UNC13A: variants seen among roughly 807,000 people sequenced by gnomAD.
The protein encoded by UNC13A is unc-13 homolog A, also known as protein unc-13 homolog A.
UNC13A carries 61 observed loss-of-function variants against 219.7 expected under a neutral mutation model. The ratio of observed to expected loss-of-function variants is 0.28; its 90% CI spans 0.23 to 0.34. UNC13A has a LOEUF of 0.34. Ranked by LOEUF, UNC13A falls within the 10% of genes least tolerant of loss-of-function variation. The probability of loss-of-function intolerance (pLI) is 1.00; values close to 1 mark genes in which losing one functional copy is unlikely to be tolerated. For missense variants in UNC13A, 1,476 were observed against 2,270.3 expected, an observed-to-expected ratio of 0.65 and a Z score of 7.11; for synonymous variants, 920 against 884.6, an observed-to-expected ratio of 1.04 and a Z score of -0.71.
intron 7 of UNC13A, among the ~76,000 whole-genome samples, chr19:17,664,163 G>C (rs535726271): frequency 2.0e-5 from 3 of 152,170 alleles, no homozygotes; most frequent in Non-Finnish European, 4.4e-5. Context: ...TTTGGGCCCA[G>C]GGTTTTCTGA....
At chr19:17,643,043 C>T in intron 19 of UNC13A, 83 bp from the exon 20 acceptor site, 1 of 1,093,438 alleles carries the variant, frequency 9.1e-7, no homozygotes, top group South Asian at 1.5e-5. Context: ...GGGAGTCTTG[C>T]TCTTGTCACC....
At chr19:17,667,339 A>G (rs1185138234) in intron 6 of UNC13A, among the ~76,000 whole-genome samples, 1 of 152,114 alleles carries the variant, frequency 6.6e-6, no homozygotes. Flanking sequence ...TGAAAAAACT[A>G]CCCGTTAGGT....
intron 9 of UNC13A, among the ~76,000 whole-genome samples, chr19:17,656,744 C>T (rs898109051): frequency 1.3e-5 from 2 of 150,316 alleles, no homozygotes; most frequent in African/African-American, 2.5e-5. Flanking sequence ...CCCAGCTACT[C>T]GGGAGGCTGA....
intron 8 of UNC13A, among the ~76,000 whole-genome samples, chr19:17,660,989 A>C (rs932568831): frequency 1.3e-5 from 2 of 152,056 alleles, no homozygotes; most frequent in Middle Eastern, 3.4e-3. Flanking sequence ...CCTAGGCTAA[A>C]GTCTAGTAGC....
At chr19:17,610,464 TA>T (rs1045015039) in intron 42 of UNC13A, among the ~76,000 whole-genome samples, 1 of 151,678 alleles carries the variant, frequency 6.6e-6, no homozygotes, top group Non-Finnish European at 1.5e-5. Flanking sequence ...AGATCCTGTC[TA>T]AAAAAAATAA....
rs980243914 is a variant in UNC13A at position 17,627,142 on chromosome 19, G to T, written c.3921-357C>A. On this transcript the variant is annotated intron_variant, in intron 33 of 43. Coordinates refer to ENST00000519716, the MANE Select transcript of UNC13A (RefSeq NM_001080421.3). The surrounding 1 kb of genome is among the most constrained non-coding windows in gnomAD (Gnocchi z 4.7). Reference sequence around the variant, plus strand: ...GATCGCGCCACTGCACTCCAGCCTGGTGACAGAACGAGACTTCGTCTCAAA... The same window carrying T: ...GATCGCGCCACTGCACTCCAGCCTGTTGACAGAACGAGACTTCGTCTCAAA... Among the ~76,000 whole-genome samples the T allele has an allele frequency of 1.3e-5, 2 of 151,704 alleles. No homozygotes were observed. The highest frequency in any genetic ancestry group is 1.3e-4 in the Admixed American group (2 of 15,214).
chr19:17,635,428 G>A (rs926391599), intron 26 of UNC13A, among the ~76,000 whole-genome samples: 1 of 152,204 alleles, frequency 6.6e-6, no homozygotes, highest in African/African-American at 2.4e-5. Flanking sequence ...TCATCTGGCA[G>A]AGAAATAGAA....
chr19:17,627,713 C>T lies in UNC13A; in HGVS notation c.3832-116G>A. The T allele has an allele frequency of 8.0e-7, 1 of 1,250,674 alleles. No individual in the cohort carries two copies. The highest frequency in any genetic ancestry group is 1.3e-5 in the South Asian group (1 of 75,484). 77.5% of individuals were successfully genotyped at this position (1,250,674 alleles called of 1,614,324 possible). ...AGGGGCTGCAGGGGAAACTGAGGCA[C>T]AGACCGTTATGCTGCAAGCCTGGGT... On this transcript the variant is annotated intron_variant, in intron 32 of 43. Coordinates refer to ENST00000519716, the MANE Select transcript of UNC13A (RefSeq NM_001080421.3). The surrounding 1 kb of genome is among the most constrained non-coding windows in gnomAD (Gnocchi z 4.7).
chr19:17,667,619 G>A (rs529889143), intron 6 of UNC13A, among the ~76,000 whole-genome samples: 13 of 151,850 alleles, frequency 8.6e-5, no homozygotes, highest in African/African-American at 2.9e-4. Context: ...AATGACAGGC[G>A]CCCGCCACCA....
intron 43 of UNC13A, among the ~76,000 whole-genome samples, chr19:17,607,450 A>T: frequency 3.1e-5 from 1 of 31,946 alleles, no homozygotes; most frequent in Non-Finnish European, 5.5e-5. Flanking sequence ...TTTAGTACAG[A>T]TGGGGGTGGC....
rs1395966743 is a variant in UNC13A at position 17,644,755 on chromosome 19, G to A, written c.2356+919C>T. 2.6e-5 allele frequency among the ~76,000 whole-genome samples: 4 copies of A among 151,820 alleles called. No individual in the cohort carries two copies. In the East Asian group the frequency reaches 7.8e-4, roughly 29 times the overall value. ...TCCCTGGGCTGGAGTGCAGCAGTGTGATCACAGCTCACTGCAGCCTTTACC... is the reference window on the plus strand; with the variant it reads ...TCCCTGGGCTGGAGTGCAGCAGTGTAATCACAGCTCACTGCAGCCTTTACC... On this transcript the variant is annotated intron_variant, in intron 19 of 43. Coordinates refer to ENST00000519716, the MANE Select transcript of UNC13A (RefSeq NM_001080421.3).
rs2076721482 is a variant in UNC13A, at chr19:17,620,784, A to G, written c.4243-62T>C. 5 of 1,576,686 alleles carry G rather than the reference A, an allele frequency of 3.2e-6. No individual in the cohort carries two copies. The East Asian group carries it at 1.1e-4, about 35-fold the overall frequency. On this transcript the variant is annotated intron_variant, in intron 37 of 43. Transcript: ENST00000519716. ...GACTGTTGGGAGGATACTCAGTGGG[A>G]CTTCCCTGCCCCCTCAAAGCACAGT...
chr19:17,662,717 G>C (rs577585521), intron 8 of UNC13A, among the ~76,000 whole-genome samples: 4 of 152,004 alleles, frequency 2.6e-5, no homozygotes, highest in African/African-American at 9.7e-5. Context: ...TCAGGAGATC[G>C]AGACCCTCCT....
In UNC13A at chr19:17,631,851, C is replaced by T. The variant is rs566674195; in HGVS notation, c.3428+931G>A. Among the ~76,000 whole-genome samples, 486 of 152,290 alleles carry T rather than the reference C, an allele frequency of 3.2e-3. 1 individual carries two copies. Among genetic ancestry groups the T allele is most frequent in the Middle Eastern group, 0.02 (6 of 294 alleles). ...CCTCTGCCTCCTGAGTTCAAGCGATCCTCCTGCTTCGGCCTCCCGAGTAGC... is the reference window on the plus strand; with the variant it reads ...CCTCTGCCTCCTGAGTTCAAGCGATTCTCCTGCTTCGGCCTCCCGAGTAGC... On this transcript the variant is annotated intron_variant, in intron 28 of 43. Coordinates refer to ENST00000519716, the MANE Select transcript of UNC13A (RefSeq NM_001080421.3).
intron 8 of UNC13A, 141 bp from the exon 9 acceptor site, chr19:17,658,410 G>A (rs185272584): frequency 6.2e-6 from 5 of 809,120 alleles, no homozygotes; most frequent in African/African-American, 1.7e-5. Context: ...TGTGGGTCAT[G>A]TTAATAGAGA....
At position 17,642,973 on chromosome 19, in the gene UNC13A, A is replaced by G; in HGVS notation, c.2357-13T>C. 8 of 1,589,620 alleles carry G rather than the reference A, an allele frequency of 5.0e-6. No homozygotes were observed. Among genetic ancestry groups the G allele is most frequent in the Non-Finnish European group, 6.9e-6 (8 of 1,167,230 alleles). ...TCAGTTCGCTTGTCTGCAGGGCAGA[A>G]AAAGAAGACAGTGTCAGAACTTCCC... is the stretch of plus-strand genomic sequence containing the variant. On this transcript the variant is annotated splice_polypyrimidine_tract_variant and intron_variant, in intron 19 of 43. Coordinates refer to ENST00000519716, the MANE Select transcript of UNC13A (RefSeq NM_001080421.3).
At chr19:17,633,018 T>C in intron 27 of UNC13A, 90 bp downstream of exon 27, 1 of 1,604,856 alleles carries the variant, frequency 6.2e-7, no homozygotes, top group African/African-American at 1.3e-5. Flanking sequence ...GGCATGAGGG[T>C]ATTATAGGGT....
intron 8 of UNC13A, among the ~76,000 whole-genome samples, chr19:17,662,944 GA>G (rs1450194123): frequency 6.6e-6 from 1 of 151,476 alleles, no homozygotes; most frequent in Non-Finnish European, 1.5e-5. Flanking sequence ...AAAGGAAAAG[GA>G]AAATGGACAT....
intron 9 of UNC13A, 92 bp from the exon 10 acceptor site, chr19:17,656,490 A>T: frequency 7.9e-7 from 1 of 1,271,020 alleles, no homozygotes; most frequent in Non-Finnish European, 1.1e-6. Context: ...TCACCGACTG[A>T]GCACCTACGA....
Sources: allele counts gnomAD v4.1 joint callset (sites outside exome capture counted in the v4.1 genomes callset), GRCh38; gene constraint gnomAD v4.1.1; non-coding constraint Gnocchi (gnomAD v3.1); transcripts MANE v1.5; gene names NCBI Gene and HGNC (gene_info 2026-07-23, HGNC 2026-07-21).